ANXA4: variants seen among roughly 807,000 people sequenced by gnomAD.
ANXA4 encodes 35-beta calcimedin.
In ANXA4, 39 loss-of-function variants were observed where a neutral mutation model predicts 49.8. The ratio of observed to expected loss-of-function variants is 0.78; its 90% CI spans 0.61 to 1.02. The LOEUF (loss-of-function observed/expected upper bound fraction) is 1.02, where lower values mean the gene tolerates loss of function less well. ANXA4 is among the 50% of genes least tolerant of loss of function. ANXA4 has a pLI of 0.00. For missense variants in ANXA4, 360 were observed against 410.1 expected, an observed-to-expected ratio of 0.88 and a Z score of 1.05; for synonymous variants, 134 against 152.5, an observed-to-expected ratio of 0.88 and a Z score of 0.89.
At position 69,820,780 on chromosome 2, in the gene ANXA4, T is replaced by C. The variant is rs770621710; in HGVS notation, c.865T>C (p.Phe289Leu). ...EIDMLDIRAH[F>L]KRLYGKSLYS... ...TGACATGTTGGATATCCGGGCACAC[T>C]TCAAGAGACTCTATGGAAAGTCTCT... Residue 289 changes from phenylalanine (F) to leucine (L), a missense_variant, in exon 12 of 13, where the codon TTC becomes CTC. Transcript: ENST00000394295. The C allele has an allele frequency of 6.2e-7, 1 of 1,614,164 alleles. No homozygotes were observed. Among genetic ancestry groups the C allele is most frequent in the South Asian group, 1.1e-5 (1 of 91,080 alleles).
At chr2:69,672,931 G>A (rs1038647468) in intron 2 of ANXA4, among the ~76,000 whole-genome samples, 1 of 151,926 alleles carries the variant, frequency 6.6e-6, no homozygotes, top group Non-Finnish European at 1.5e-5. Flanking sequence ...ATCGTCACTG[G>A]TATTAGAGAA....
intron 2 of ANXA4, among the ~76,000 whole-genome samples, chr2:69,689,614 T>C (rs1297834985): frequency 2.6e-5 from 4 of 152,192 alleles, no homozygotes; most frequent in African/African-American, 7.2e-5. Flanking sequence ...GTAGTTCTTT[T>C]TGGTTTTATG....
intron 8 of ANXA4, among the ~76,000 whole-genome samples, chr2:69,813,738 TTCTCTCTC>T (rs763588413): frequency 2.3e-5 from 3 of 132,000 alleles, no homozygotes; most frequent in Non-Finnish European, 3.1e-5. Context: ...AGACCCAGTA[TTCTCTCTC>T]TCTCTCTCTC....
chr2:69,707,386 G>A (rs1678532730), intron 2 of ANXA4, among the ~76,000 whole-genome samples: 1 of 152,144 alleles, frequency 6.6e-6, no homozygotes, highest in Non-Finnish European at 1.5e-5. Flanking sequence ...CAACACCCAG[G>A]TCAAGAAATA....
chr2:69,761,005 A>AT (rs1671261862), intron 1 of ANXA4, among the ~76,000 whole-genome samples: 1 of 150,652 alleles, frequency 6.6e-6, no homozygotes, highest in Admixed American at 6.6e-5. Context: ...CTATTAAATT[A>AT]ATTAATTAAT....
Position 69,758,663 on chromosome 2 carries a change from G to T in ANXA4, c.-47+16488G>T, listed in dbSNP as rs559860634. ...GATAAGGCAAGTTAATAATAATAAGGTTCAATTTTACGCCTAAATATTAAA... is the reference window on the plus strand; with the variant it reads ...GATAAGGCAAGTTAATAATAATAAGTTTCAATTTTACGCCTAAATATTAAA... On this transcript the variant is annotated intron_variant, in intron 1 of 12. Transcript: ENST00000394295. Among the ~76,000 whole-genome samples, 6 of 151,982 alleles carry T rather than the reference G, an allele frequency of 3.9e-5. 1 individual carries two copies. Among genetic ancestry groups the T allele is most frequent in the South Asian group, 4.2e-4 (2 of 4,818 alleles).
chr2:69,776,604 TCTG>T (rs1474473579), intron 1 of ANXA4, among the ~76,000 whole-genome samples: 5 of 152,190 alleles, frequency 3.3e-5, no homozygotes, highest in African/African-American at 1.2e-4. Flanking sequence ...TTAACTAAAT[TCTG>T]ACACTATCAA....
chr2:69,658,488 C>T (rs556948828), intron 2 of ANXA4, among the ~76,000 whole-genome samples: 1 of 151,682 alleles, frequency 6.6e-6, no homozygotes, highest in Admixed American at 6.6e-5. Context: ...CCCTCACCTT[C>T]TAGGAAAGAT....
At chr2:69,752,602 G>A (rs1190203312) in intron 1 of ANXA4, among the ~76,000 whole-genome samples, 1 of 152,160 alleles carries the variant, frequency 6.6e-6, no homozygotes, top group African/African-American at 2.4e-5. Context: ...CATGGGAATG[G>A]GAATGTTCAC....
At chr2:69,699,066 A>G (rs1242191014) in intron 2 of ANXA4, among the ~76,000 whole-genome samples, 1 of 152,186 alleles carries the variant, frequency 6.6e-6, no homozygotes, top group African/African-American at 2.4e-5. Context: ...GGACAACTGA[A>G]GATATGAATC....
intron 1 of ANXA4, among the ~76,000 whole-genome samples, chr2:69,745,114 A>C (rs766132101): frequency 4.6e-4 from 70 of 152,158 alleles, no homozygotes; most frequent in Non-Finnish European, 6.8e-4. Context: ...AAAAGAAAAA[A>C]AAATAAGTTT....
chr2:69,679,485 T>C (rs1271977724), intron 2 of ANXA4, among the ~76,000 whole-genome samples: 1 of 152,226 alleles, frequency 6.6e-6, no homozygotes, highest in African/African-American at 2.4e-5. Context: ...TTTCCTTTGC[T>C]GTGCAGAAGT....
In ANXA4 at chr2:69,814,779, TGTGTGTGTGTGTGTGAGA is replaced by T. The variant is rs1214987737; in HGVS notation, c.535-1320_535-1303del. On this transcript the variant is annotated intron_variant, in intron 8 of 12. Transcript: ENST00000394295. ...GTGTGTGTGTGTGTGTGTGTGTGTG[TGTGTGTGTGTGTGTGAGA>T]GAAAGAGAGAGAGGATGGAGTTGGG... 3.2e-3 allele frequency: 322 copies of T among 101,494 alleles called. 5 individuals are homozygous for T. The highest frequency in any genetic ancestry group is 0.024 in the African/African-American group (297 of 12,556). 6.3% of individuals were successfully genotyped at this position (101,494 alleles called of 1,614,324 possible).
At chr2:69,807,466 G>A (rs1573298065) in intron 5 of ANXA4, among the ~76,000 whole-genome samples, 1 of 152,074 alleles carries the variant, frequency 6.6e-6, no homozygotes, top group African/African-American at 2.4e-5. Context: ...TCAGTGTATT[G>A]TACTCCTCAT....
At chr2:69,801,628 T>C (rs1459810260) in intron 3 of ANXA4, among the ~76,000 whole-genome samples, 2 of 152,126 alleles carry the variant, frequency 1.3e-5, no homozygotes, top group African/African-American at 2.4e-5. Context: ...GGTCTTGAAC[T>C]CCTGACCTCA....
chr2:69,814,633 G>T (rs1673879073), intron 8 of ANXA4, among the ~76,000 whole-genome samples: 1 of 152,090 alleles, frequency 6.6e-6, no homozygotes, highest in African/African-American at 2.4e-5. Flanking sequence ...ACAGGCATGA[G>T]CCACCGTGCC....
intron 2 of ANXA4, among the ~76,000 whole-genome samples, chr2:69,663,367 T>A (rs1226623169): frequency 7.8e-6 from 1 of 128,956 alleles, no homozygotes; most frequent in Non-Finnish European, 1.6e-5. Flanking sequence ...GAGCCAAAGG[T>A]CATCACAATA....
intron 2 of ANXA4, among the ~76,000 whole-genome samples, chr2:69,676,340 G>T (rs1023617852): frequency 6.6e-6 from 1 of 152,064 alleles, no homozygotes; most frequent in Non-Finnish European, 1.5e-5. Context: ...GCCCAGAATT[G>T]GTAATTAGTT....
At chr2:69,756,694 TC>T (rs1437789499) in intron 1 of ANXA4, among the ~76,000 whole-genome samples, 1 of 152,110 alleles carries the variant, frequency 6.6e-6, no homozygotes, top group Non-Finnish European at 1.5e-5. Flanking sequence ...TTAAATTTTT[TC>T]TTCCAAATTT....
Sources: allele counts gnomAD v4.1 joint callset (sites outside exome capture counted in the v4.1 genomes callset), GRCh38; gene constraint gnomAD v4.1.1; transcripts MANE v1.5; gene names NCBI Gene and HGNC (gene_info 2026-07-23, HGNC 2026-07-21).